Variants in GRIN2B observed in about 807,000 individuals in gnomAD.
GRIN2B encodes glutamate receptor ionotropic, NMDA 2B.
In GRIN2B, 5 loss-of-function variants were observed where a neutral mutation model predicts 114.5. The observed-to-expected ratio is 0.04, with a 90% CI of 0.02 to 0.09. The LOEUF is 0.09. Among genes scored for constraint, GRIN2B ranks in the 10% least tolerant of loss-of-function variants. The probability of loss-of-function intolerance (pLI) is 1.00; values close to 1 mark genes in which losing one functional copy is unlikely to be tolerated. For missense variants in GRIN2B, 1,108 were observed against 1,943.5 expected, an observed-to-expected ratio of 0.57 and a Z score of 8.08; for synonymous variants, 787 against 745.1, an observed-to-expected ratio of 1.06 and a Z score of -0.92.
intron 3 of GRIN2B, among the ~76,000 whole-genome samples, chr12:13,768,362 A>T (rs1345739589): frequency 1.3e-5 from 2 of 152,082 alleles, no homozygotes; most frequent in Non-Finnish European, 2.9e-5. Context: ...GTCTGAACCA[A>T]AAAAACTTGA....
rs928979995 is a variant in GRIN2B, at chr12:13,541,429, T to G, written c.*21354A>C. The G allele has an allele frequency of 6.6e-6, 1 of 152,180 alleles. No individual in the cohort carries two copies. The highest frequency in any genetic ancestry group is 2.4e-5 in the African/African-American group (1 of 41,440). The allele number at this position is 152,180 out of a possible 1,614,324, so 9.4% of individuals were successfully genotyped here. A position where few individuals can be genotyped will look rare whatever the true frequency, so the allele number is the denominator to read the frequency against. ...GAGGCAGGGTAAATGGAAGTCACATTGTTTTCTGCACATCTTCCAAAGAGT... is the reference window on the plus strand; with the variant it reads ...GAGGCAGGGTAAATGGAAGTCACATGGTTTTCTGCACATCTTCCAAAGAGT... On this transcript the variant is annotated 3_prime_UTR_variant, in exon 14 of 14. Coordinates refer to ENST00000609686, the MANE Select transcript of GRIN2B (RefSeq NM_000834.5).
At chr12:13,831,517 G>A (rs114594415) in intron 3 of GRIN2B, among the ~76,000 whole-genome samples, 1 of 152,188 alleles carries the variant, frequency 6.6e-6, no homozygotes, top group Non-Finnish European at 1.5e-5. Flanking sequence ...GCTATGGAGA[G>A]GGAGATTAGC....
At chr12:13,609,130 T>A (rs771789972) in intron 9 of GRIN2B, among the ~76,000 whole-genome samples, 27 of 152,114 alleles carry the variant, frequency 1.8e-4, no homozygotes, top group Admixed American at 6.5e-5. Context: ...TGCCCCCATA[T>A]ACAAGACCCT....
At chr12:13,889,368 T>C (rs1166034498) in intron 2 of GRIN2B, among the ~76,000 whole-genome samples, 1 of 152,222 alleles carries the variant, frequency 6.6e-6, no homozygotes, top group Non-Finnish European at 1.5e-5. Context: ...TGCCATCTAC[T>C]GATTAAGCTT....
chr12:13,582,089 G>C (rs1348028437), intron 10 of GRIN2B, among the ~76,000 whole-genome samples: 1 of 152,168 alleles, frequency 6.6e-6, no homozygotes, highest in Non-Finnish European at 1.5e-5. Context: ...ATAAGGTATA[G>C]CATCTCACTA....
intron 2 of GRIN2B, among the ~76,000 whole-genome samples, chr12:13,904,401 T>C (rs1866505307): frequency 6.6e-6 from 1 of 152,080 alleles, no homozygotes; most frequent in Admixed American, 6.6e-5. Flanking sequence ...TTTCAGAAAA[T>C]ACAAGCATCT....
intron 5 of GRIN2B, among the ~76,000 whole-genome samples, chr12:13,670,032 C>T (rs1242005394): frequency 6.6e-6 from 1 of 152,024 alleles, no homozygotes; most frequent in African/African-American, 2.4e-5. Context: ...ATTGCTTCAG[C>T]TCTTGTGGGG....
At chr12:13,640,827 T>A (rs1949708078) in intron 5 of GRIN2B, among the ~76,000 whole-genome samples, 1 of 152,062 alleles carries the variant, frequency 6.6e-6, no homozygotes, top group Admixed American at 6.6e-5. Flanking sequence ...AGGACAGCAC[T>A]CATTACCTAC....
At chr12:13,696,509 G>A (rs1037103490) in intron 4 of GRIN2B, among the ~76,000 whole-genome samples, 2 of 152,062 alleles carry the variant, frequency 1.3e-5, no homozygotes, top group Non-Finnish European at 2.9e-5. Context: ...ATTTGAAAAA[G>A]TTGCCCCAGG....
At chr12:13,623,694 A>ATC (rs1949540562) in intron 5 of GRIN2B, among the ~76,000 whole-genome samples, 1 of 152,116 alleles carries the variant, frequency 6.6e-6, no homozygotes, top group Non-Finnish European at 1.5e-5. Context: ...GTAACCCTTC[A>ATC]TCTCTCAGGT....
chr12:13,821,879 T>C (rs1406775683), intron 3 of GRIN2B, among the ~76,000 whole-genome samples: 1 of 152,188 alleles, frequency 6.6e-6, no homozygotes, highest in African/African-American at 2.4e-5. Flanking sequence ...TTGAAGTTTT[T>C]CAGACTTCTA....
intron 10 of GRIN2B, among the ~76,000 whole-genome samples, chr12:13,582,170 G>A (rs1948861704): frequency 6.6e-6 from 1 of 152,224 alleles, no homozygotes; most frequent in Admixed American, 6.5e-5. Context: ...CAAACTGGCT[G>A]TGGATATGGT....
intron 5 of GRIN2B, among the ~76,000 whole-genome samples, chr12:13,667,947 A>T (rs1949992820): frequency 6.6e-6 from 1 of 152,166 alleles, no homozygotes; most frequent in Admixed American, 6.5e-5. Flanking sequence ...ATAAACATAG[A>T]ATTTTCTCAT....
chr12:13,627,024 A>C (rs1591648877), intron 5 of GRIN2B, among the ~76,000 whole-genome samples: 1 of 152,030 alleles, frequency 6.6e-6, no homozygotes, highest in Non-Finnish European at 1.5e-5. Flanking sequence ...GGTAGGACCC[A>C]GGAGAATGTT....
At position 13,551,941 on chromosome 12, in the gene GRIN2B, T is replaced by C. The variant is rs1276608610; in HGVS notation, c.*10842A>G. 2 of 152,124 alleles carry C rather than the reference T, an allele frequency of 1.3e-5. No individual in the cohort carries two copies. Among genetic ancestry groups the C allele is most frequent in the African/African-American group, 4.8e-5 (2 of 41,414 alleles). The allele number at this position is 152,124 out of a possible 1,614,324, so 9.4% of individuals were successfully genotyped here. Reference sequence around the variant, plus strand: ...AAGACTGTTCTGAATAGGGCTGAAGTTTTAGGCAGGCATGTTTTGTTTCAT... The same window carrying C: ...AAGACTGTTCTGAATAGGGCTGAAGCTTTAGGCAGGCATGTTTTGTTTCAT... On this transcript the variant is annotated 3_prime_UTR_variant, in exon 14 of 14. Coordinates refer to ENST00000609686, the MANE Select transcript of GRIN2B (RefSeq NM_000834.5).
intron 3 of GRIN2B, among the ~76,000 whole-genome samples, chr12:13,787,592 G>A (rs1446259941): frequency 6.6e-6 from 1 of 152,164 alleles, no homozygotes; most frequent in Non-Finnish European, 1.5e-5. Flanking sequence ...AAGAAAAAAA[G>A]CAAGGAATTT....
intron 2 of GRIN2B, among the ~76,000 whole-genome samples, chr12:13,907,045 G>T (rs1462461388): frequency 6.6e-6 from 1 of 152,110 alleles, no homozygotes; most frequent in Non-Finnish European, 1.5e-5. Flanking sequence ...ATGAAGCTTT[G>T]TAAGATTCCT....
At chr12:13,695,691 A>G (rs970958953) in intron 4 of GRIN2B, among the ~76,000 whole-genome samples, 1 of 152,232 alleles carries the variant, frequency 6.6e-6, no homozygotes, top group Non-Finnish European at 1.5e-5. Context: ...CTGTATTCCT[A>G]TAAATAAGTA....
At chr12:13,948,794 A>C (rs1264659798) in intron 2 of GRIN2B, among the ~76,000 whole-genome samples, 1 of 152,084 alleles carries the variant, frequency 6.6e-6, no homozygotes, top group Non-Finnish European at 1.5e-5. Flanking sequence ...CCCGGAATGT[A>C]AGGAAGGTAA....
Sources: gnomAD v4.1 joint callset for allele counts (sites outside exome capture counted in the v4.1 genomes callset) on GRCh38, gnomAD v4.1.1 for gene constraint, MANE v1.5 for transcripts, NCBI Gene and HGNC (gene_info 2026-07-23, HGNC 2026-07-21) for gene names.